VPS13A: variants seen among roughly 807,000 people sequenced by gnomAD.
VPS13A encodes the protein vacuolar protein sorting 13 homolog A.
In VPS13A, 264 loss-of-function variants were observed where a neutral mutation model predicts 390.9. That is an observed-to-expected ratio of 0.68 (90% CI 0.61 to 0.75). The LOEUF is 0.75. VPS13A is among the 30% of genes least tolerant of loss of function. The probability of loss-of-function intolerance (pLI) is 0.00; values close to 1 mark genes in which losing one functional copy is unlikely to be tolerated. For missense variants in VPS13A, 3,409 were observed against 3,733.9 expected (o/e 0.91, Z 2.27); for synonymous variants, 1,231 against 1,227.1 (o/e 1.00, Z -0.07).
intron 34 of VPS13A, among the ~76,000 whole-genome samples, chr9:77,305,859 C>T (rs1828709885): frequency 6.6e-6 from 1 of 152,218 alleles, no homozygotes; most frequent in Admixed American, 6.5e-5. Flanking sequence ...CATACACAGC[C>T]TGTCCTGACA....
chr9:77,228,395 A>G, intron 17 of VPS13A, 131 bp downstream of exon 17: 3 of 907,124 alleles, frequency 3.3e-6, no homozygotes, highest in Non-Finnish European at 1.6e-6. Context: ...TTCAGGAAAA[A>G]GGTTTTTTTT....
At chr9:77,180,317 C>A (rs1406656081) in intron 1 of VPS13A, among the ~76,000 whole-genome samples, 1 of 152,096 alleles carries the variant, frequency 6.6e-6, no homozygotes, top group African/African-American at 2.4e-5. Flanking sequence ...TGTTTGTTTT[C>A]TTATGGTTGA....
intron 59 of VPS13A, among the ~76,000 whole-genome samples, chr9:77,362,159 G>GT (rs1161522021): frequency 2.0e-5 from 3 of 152,052 alleles, no homozygotes; most frequent in African/African-American, 7.2e-5. Flanking sequence ...AAAAGTTAAA[G>GT]TTAATGAAGT....
chr9:77,290,349 A>G (rs1269286159), intron 31 of VPS13A, among the ~76,000 whole-genome samples: 1 of 151,890 alleles, frequency 6.6e-6, no homozygotes, highest in Non-Finnish European at 1.5e-5. Context: ...TGCTTTCAGG[A>G]TTTATATATG....
chr9:77,411,439 G>A (rs527672290), intron 71 of VPS13A, among the ~76,000 whole-genome samples: 8 of 152,044 alleles, frequency 5.3e-5, no homozygotes, highest in East Asian at 3.9e-4. Context: ...CGAGGCAGGC[G>A]GATCACGAGG....
intron 42 of VPS13A, among the ~76,000 whole-genome samples, chr9:77,320,021 T>A (rs559246166): frequency 6.6e-6 from 1 of 152,322 alleles, no homozygotes; most frequent in African/African-American, 2.4e-5. Context: ...ATGTTGCCTA[T>A]GCTTCTAATA....
chr9:77,321,843 T>C lies in VPS13A; in HGVS notation c.5830+97T>C, dbSNP rs1258917589. 1.1e-5 allele frequency: 15 copies of C among 1,355,676 alleles called. 1 individual carries two copies. In the East Asian group the frequency reaches 3.6e-4, roughly 32 times the overall value. 84.0% of individuals were successfully genotyped at this position (1,355,676 alleles called of 1,614,324 possible). A position where few individuals can be genotyped will look rare whatever the true frequency, so the allele number is the denominator to read the frequency against. On this transcript the variant is annotated intron_variant, in intron 44 of 71. Coordinates refer to ENST00000360280, the MANE Select transcript of VPS13A (RefSeq NM_033305.3). ...TTTGTAGAATCTTAGCAAGGTTTTTTTTGTTTTTGTTTTTGTTTTTTTAAA... is the reference window on the plus strand; with the variant it reads ...TTTGTAGAATCTTAGCAAGGTTTTTCTTGTTTTTGTTTTTGTTTTTTTAAA...
intron 5 of VPS13A, among the ~76,000 whole-genome samples, chr9:77,207,213 TTATATA>T (rs61703004): frequency 0.18 from 7,728 of 43,008 alleles, 584 homozygotes; most frequent in South Asian, 0.21. Flanking sequence ...TATTTAGATA[TTATATA>T]TATATATATA....
At chr9:77,319,348 A>C (rs543413777) in intron 41 of VPS13A, among the ~76,000 whole-genome samples, 28 of 152,216 alleles carry the variant, frequency 1.8e-4, no homozygotes, top group African/African-American at 2.4e-4. Context: ...TGTAATGTAG[A>C]ATCAAGGAAA....
Position 77,221,198 on chromosome 9 carries a change from A to G in VPS13A, c.1003A>G (p.Ile335Val), listed in dbSNP as rs776104174. The G allele has an allele frequency of 4.3e-6, 7 of 1,613,278 alleles. No individual in the cohort carries two copies. Among genetic ancestry groups the G allele is most frequent in the African/African-American group, 1.3e-5 (1 of 74,866 alleles). ...TTTTTTAACTAGGTGGGCTTATGCT[A>G]TACATGGCGTTCTTGAAGTAAATGT... ...HHAREWWAYA[I>V]HGVLEVNVCP... Residue 335 changes from isoleucine to valine, a missense_variant, in exon 13 of 72, where the codon ATA (isoleucine) becomes GTA (valine). This residue lies in a region of VPS13A where 2,717 missense variants were observed against 2,917.4 expected (regional missense o/e 0.93). Transcript: ENST00000360280.
At chr9:77,201,084 T>C (rs1564625657) in intron 2 of VPS13A, among the ~76,000 whole-genome samples, 2 of 152,152 alleles carry the variant, frequency 1.3e-5, no homozygotes, top group East Asian at 1.9e-4. Flanking sequence ...TAAAATAATA[T>C]AAAATTGGTA....
intron 1 of VPS13A, among the ~76,000 whole-genome samples, chr9:77,184,112 T>C (rs1241414813): frequency 6.6e-6 from 1 of 152,200 alleles, no homozygotes; most frequent in Non-Finnish European, 1.5e-5. Context: ...AAATCTTAAG[T>C]GTACATTGAC....
At chr9:77,406,904 CT>C (rs1172381130) in intron 70 of VPS13A, among the ~76,000 whole-genome samples, 4 of 152,098 alleles carry the variant, frequency 2.6e-5, no homozygotes, top group Non-Finnish European at 5.9e-5. Flanking sequence ...CTGTTTGCCC[CT>C]GATATGCTTA....
chr9:77,369,150 A>G (rs1832605648), intron 62 of VPS13A, 149 bp from the exon 63 acceptor site: 1 of 663,848 alleles, frequency 1.5e-6, no homozygotes, highest in Admixed American at 2.6e-5. Context: ...GAAAAAAAAG[A>G]GTAGTGATTA....
chr9:77,399,910 T>G (rs1234473005), intron 68 of VPS13A, among the ~76,000 whole-genome samples: 1 of 152,166 alleles, frequency 6.6e-6, no homozygotes, highest in African/African-American at 2.4e-5. Flanking sequence ...CTATACATTC[T>G]CTTGTAATAT....
chr9:77,251,952 A>C (rs1825168261), intron 21 of VPS13A, among the ~76,000 whole-genome samples: 1 of 152,172 alleles, frequency 6.6e-6, no homozygotes, highest in African/African-American at 2.4e-5. Context: ...AGCTTTTATT[A>C]GTTACTGTTA....
chr9:77,183,492 C>T lies in VPS13A; in HGVS notation c.100+5688C>T, dbSNP rs184530349. On this transcript the variant is annotated intron_variant, in intron 1 of 71. Coordinates refer to ENST00000360280, the MANE Select transcript of VPS13A (RefSeq NM_033305.3). Reference sequence around the variant, plus strand: ...TGGGATTGTACAGTTTGTATTCTTTCAGTCTGGCTTATTTCAGCATAATTA... The same window carrying T: ...TGGGATTGTACAGTTTGTATTCTTTTAGTCTGGCTTATTTCAGCATAATTA... Among the ~76,000 whole-genome samples the T allele has an allele frequency of 1.4e-4, 22 of 152,278 alleles. No homozygotes were observed. The East Asian group carries it at 3.9e-3, about 27-fold the overall frequency.
At chr9:77,411,933 A>G (rs1017765357) in intron 71 of VPS13A, among the ~76,000 whole-genome samples, 6 of 152,158 alleles carry the variant, frequency 3.9e-5, no homozygotes, top group African/African-American at 1.4e-4. Flanking sequence ...TCCCACAGAA[A>G]TACAAACTAC....
Position 77,331,702 on chromosome 9 carries a change from A to G in VPS13A, c.5992-308A>G, listed in dbSNP as rs55882247. ...TTTTTTCTGTGAATTTTTTTCTACT[A>G]TTTTTATCTAAACAAAAACTTATCT... On this transcript the variant is annotated intron_variant, in intron 45 of 71. Coordinates refer to ENST00000360280, the MANE Select transcript of VPS13A (RefSeq NM_033305.3). 0.058 allele frequency among the ~76,000 whole-genome samples: 8,774 copies of G among 151,914 alleles called. 373 individuals are homozygous for G. Among genetic ancestry groups the G allele is most frequent in the South Asian group, 0.12 (581 of 4,824 alleles).
Sources: allele counts gnomAD v4.1 joint callset (sites outside exome capture counted in the v4.1 genomes callset), GRCh38; gene constraint gnomAD v4.1.1; regional missense constraint gnomAD v4.1.1; transcripts MANE v1.5; gene names NCBI Gene and HGNC (gene_info 2026-07-23, HGNC 2026-07-21).